GALNT13: variants seen among roughly 807,000 people sequenced by gnomAD.
The protein encoded by GALNT13 is polypeptide N-acetylgalactosaminyltransferase 13.
A neutral mutation model predicts 64.2 loss-of-function variants in GALNT13; 28 were observed. The observed-to-expected ratio is 0.44, with a 90% CI of 0.32 to 0.60. The LOEUF is 0.60. Among genes scored for constraint, GALNT13 ranks in the 20% least tolerant of loss-of-function variants. The pLI, the probability that GALNT13 is intolerant of heterozygous loss-of-function variation, is 0.05. For missense variants in GALNT13, 577 were observed against 669.8 expected (o/e 0.86, Z 1.53); for synonymous variants, 214 against 224.6 (o/e 0.95, Z 0.42).
chr2:153,794,900 TAGA>T, the GALNT13 span, among the ~76,000 whole-genome samples: 1 of 152,210 alleles, frequency 6.6e-6, no homozygotes, highest in Non-Finnish European at 1.5e-5. Flanking sequence ...TAAATGTGGT[TAGA>T]AGAACTGTCA....
At chr2:153,725,544 A>G in the GALNT13 span, among the ~76,000 whole-genome samples, 1 of 151,894 alleles carries the variant, frequency 6.6e-6, no homozygotes, top group African/African-American at 2.4e-5. Flanking sequence ...AAAGTCCAAA[A>G]TAATATAAAA....
chr2:153,103,213 C>T, the GALNT13 span, among the ~76,000 whole-genome samples: 2 of 152,316 alleles, frequency 1.3e-5, no homozygotes, highest in Non-Finnish European at 2.9e-5. Flanking sequence ...ACTGTCTACC[C>T]CACTGACCTC....
the GALNT13 span, among the ~76,000 whole-genome samples, chr2:153,093,500 A>G: frequency 6.6e-6 from 1 of 151,918 alleles, no homozygotes; most frequent in African/African-American, 2.4e-5. Context: ...CGGCCTCCCA[A>G]AGTGCTAGGA....
At chr2:153,919,634 TG>T (rs1193678451) in intron 2 of GALNT13, among the ~76,000 whole-genome samples, 1 of 151,966 alleles carries the variant, frequency 6.6e-6, no homozygotes, top group Non-Finnish European at 1.5e-5. Flanking sequence ...AAAAATTATT[TG>T]GGAAATAAAT....
chr2:154,367,274 A>G (rs376272081), intron 9 of GALNT13, among the ~76,000 whole-genome samples: 5 of 152,170 alleles, frequency 3.3e-5, no homozygotes, highest in African/African-American at 1.2e-4. Flanking sequence ...ATCTATGTGG[A>G]AAAATGGATG....
chr2:154,247,492 A>G (rs774678287), intron 7 of GALNT13, among the ~76,000 whole-genome samples: 6 of 152,130 alleles, frequency 3.9e-5, no homozygotes, highest in Non-Finnish European at 7.4e-5. Context: ...GCATGTTTAT[A>G]CTCATTTAAA....
the GALNT13 span, among the ~76,000 whole-genome samples, chr2:153,566,348 GTTTTTTTTT>G: frequency 4.0e-5 from 3 of 74,818 alleles, no homozygotes; most frequent in Admixed American, 1.6e-4. Flanking sequence ...TTCTAATCAC[GTTTTTTTTT>G]TTTTTTTTTT....
chr2:153,906,855 CCCA>C (rs1344058265), intron 2 of GALNT13, among the ~76,000 whole-genome samples: 5 of 151,786 alleles, frequency 3.3e-5, no homozygotes, highest in Admixed American at 3.3e-4. Context: ...AGTTTACAGT[CCCA>C]CCAACAGTGT....
chr2:153,948,264 A>C (rs1173672501), intron 3 of GALNT13, among the ~76,000 whole-genome samples: 1 of 151,694 alleles, frequency 6.6e-6, no homozygotes, highest in Admixed American at 6.6e-5. Context: ...GCTCAACATG[A>C]CTGATTATTA....
At chr2:153,647,413 G>A in the GALNT13 span, among the ~76,000 whole-genome samples, 1 of 152,102 alleles carries the variant, frequency 6.6e-6, no homozygotes, top group African/African-American at 2.4e-5. Flanking sequence ...CATTCTGTAG[G>A]TTGTCTGTTC....
chr2:154,243,726 C>T (rs188287294), intron 6 of GALNT13, among the ~76,000 whole-genome samples: 3 of 152,220 alleles, frequency 2.0e-5, no homozygotes, highest in African/African-American at 7.2e-5. Flanking sequence ...ACATTGAATG[C>T]CAACTGATAC....
chr2:154,423,390 A>T (rs1700338692), intron 11 of GALNT13, among the ~76,000 whole-genome samples: 1 of 152,098 alleles, frequency 6.6e-6, no homozygotes. Context: ...ATGTGTCTTT[A>T]TAGTAGCATG....
chr2:153,571,113 G>T, the GALNT13 span, among the ~76,000 whole-genome samples: 2 of 151,436 alleles, frequency 1.3e-5, no homozygotes, highest in Admixed American at 1.3e-4. Flanking sequence ...TCCATTTTTT[G>T]GTGTCCCCTT....
chr2:154,440,631 T>C (rs1574313954), intron 12 of GALNT13, among the ~76,000 whole-genome samples: 1 of 152,152 alleles, frequency 6.6e-6, no homozygotes, highest in South Asian at 2.1e-4. Context: ...GTCATAAATA[T>C]TGAGAAATTT....
chr2:153,641,705 C>T, the GALNT13 span, among the ~76,000 whole-genome samples: 1 of 152,084 alleles, frequency 6.6e-6, no homozygotes, highest in Admixed American at 6.6e-5. Context: ...TATGCTGAAA[C>T]AAACATTCAC....
chr2:154,328,730 A>G (rs966847666), intron 9 of GALNT13, among the ~76,000 whole-genome samples: 6 of 152,124 alleles, frequency 3.9e-5, no homozygotes, highest in African/African-American at 1.4e-4. Flanking sequence ...GTGTTTTTCT[A>G]AAGTTGTGCC....
At chr2:153,217,153 T>G in the GALNT13 span, among the ~76,000 whole-genome samples, 1 of 152,092 alleles carries the variant, frequency 6.6e-6, no homozygotes. Context: ...CTCTTTTGTT[T>G]CATTGATCTG....
the GALNT13 span, among the ~76,000 whole-genome samples, chr2:153,108,167 C>T: frequency 5.9e-5 from 9 of 152,246 alleles, no homozygotes; most frequent in East Asian, 7.7e-4. Flanking sequence ...CATGAGCCAC[C>T]GTGCCTGGCT....
the GALNT13 span, among the ~76,000 whole-genome samples, chr2:153,547,440 A>C: frequency 6.6e-6 from 1 of 152,256 alleles, no homozygotes; most frequent in African/African-American, 2.4e-5. Context: ...TTCATACTAC[A>C]GGTAAAATCC....
Sources: gnomAD v4.1 joint callset for allele counts (sites outside exome capture counted in the v4.1 genomes callset) on GRCh38, gnomAD v4.1.1 for gene constraint, MANE v1.5 for transcripts, NCBI Gene and HGNC (gene_info 2026-07-23, HGNC 2026-07-21) for gene names.